SLC35F1: variants seen among roughly 807,000 people sequenced by gnomAD.
SLC35F1 encodes the protein solute carrier family 35 member F1.
A neutral mutation model predicts 48.7 loss-of-function variants in SLC35F1; 14 were observed. The observed-to-expected ratio is 0.29, with a 90% CI of 0.19 to 0.45. SLC35F1 has a LOEUF of 0.45. Ranked by LOEUF, SLC35F1 falls within the 20% of genes least tolerant of loss-of-function variation. The pLI, the probability that SLC35F1 is intolerant of heterozygous loss-of-function variation, is 1.00. For missense variants in SLC35F1, 404 were observed against 500.0 expected, an observed-to-expected ratio of 0.81 and a Z score of 1.83; for synonymous variants, 190 against 202.2, an observed-to-expected ratio of 0.94 and a Z score of 0.51.
chr6:118,109,210 T>A (rs931800875), intron 1 of SLC35F1, among the ~76,000 whole-genome samples: 2 of 152,186 alleles, frequency 1.3e-5, no homozygotes, highest in African/African-American at 4.8e-5. Flanking sequence ...GTTCACCTAC[T>A]CAGAGAGGAA....
intron 1 of SLC35F1, among the ~76,000 whole-genome samples, chr6:118,066,399 A>G (rs531272209): frequency 6.6e-6 from 1 of 152,288 alleles, no homozygotes; most frequent in Admixed American, 6.5e-5. Flanking sequence ...GCATGCTCCA[A>G]GCTATGGTCA....
chr6:117,923,944 A>G (rs1020323449), intron 1 of SLC35F1, among the ~76,000 whole-genome samples: 19 of 150,196 alleles, frequency 1.3e-4, no homozygotes, highest in Non-Finnish European at 2.4e-4. Flanking sequence ...TACTAGATTG[A>G]CACTTTATAT....
At chr6:117,967,328 T>C (rs954585666) in intron 1 of SLC35F1, among the ~76,000 whole-genome samples, 28 of 152,328 alleles carry the variant, frequency 1.8e-4, no homozygotes, top group African/African-American at 6.3e-4. Context: ...AAATTTTTAC[T>C]ATATTTCTAA....
At chr6:118,053,657 A>G (rs867207375) in intron 1 of SLC35F1, among the ~76,000 whole-genome samples, 2 of 152,142 alleles carry the variant, frequency 1.3e-5, no homozygotes, top group Admixed American at 1.3e-4. Context: ...TTGTTTTGAT[A>G]GTGTTCATAT....
intron 1 of SLC35F1, among the ~76,000 whole-genome samples, chr6:118,049,639 G>C (rs1772355978): frequency 6.6e-6 from 1 of 151,586 alleles, no homozygotes; most frequent in Non-Finnish European, 1.5e-5. Flanking sequence ...GGCCATCAGA[G>C]AAATGCAAAT....
chr6:118,124,042 T>C (rs1468468676), intron 1 of SLC35F1, among the ~76,000 whole-genome samples: 1 of 152,124 alleles, frequency 6.6e-6, no homozygotes, highest in Admixed American at 6.6e-5. Flanking sequence ...CCTTTCTCTT[T>C]TGAGAATTTG....
intron 1 of SLC35F1, among the ~76,000 whole-genome samples, chr6:118,073,326 A>T (rs1582651168): frequency 6.6e-6 from 1 of 152,316 alleles, no homozygotes; most frequent in African/African-American, 2.4e-5. Context: ...ACTGCTGTGA[A>T]CTGAGTGACC....
At chr6:117,967,052 T>C (rs549489031) in intron 1 of SLC35F1, among the ~76,000 whole-genome samples, 1 of 152,342 alleles carries the variant, frequency 6.6e-6, no homozygotes, top group Non-Finnish European at 1.5e-5. Context: ...GCCCACTCAA[T>C]ATTCCATTCA....
At chr6:118,234,263 G>A (rs542554684) in intron 2 of SLC35F1, among the ~76,000 whole-genome samples, 1 of 152,316 alleles carries the variant, frequency 6.6e-6, no homozygotes, top group South Asian at 2.1e-4. Flanking sequence ...CCCCTTGAAT[G>A]TGGGCTGGAC....
chr6:118,117,012 T>C (rs1773484390), intron 1 of SLC35F1, among the ~76,000 whole-genome samples: 1 of 152,196 alleles, frequency 6.6e-6, no homozygotes, highest in Admixed American at 6.5e-5. Context: ...TCTAATTTCA[T>C]ATAGTTGTAG....
At chr6:118,228,562 C>T (rs1012235158) in intron 2 of SLC35F1, among the ~76,000 whole-genome samples, 10 of 151,906 alleles carry the variant, frequency 6.6e-5, no homozygotes, top group African/African-American at 1.7e-4. Flanking sequence ...GATATGGTGG[C>T]GTGCATCTGT....
chr6:118,241,998 A>G (rs1006635747), intron 3 of SLC35F1, among the ~76,000 whole-genome samples: 1 of 152,168 alleles, frequency 6.6e-6, no homozygotes, highest in African/African-American at 2.4e-5. Flanking sequence ...TGTTGTGTCC[A>G]CCTTTAGGCT....
At position 118,246,507 on chromosome 6, in the gene SLC35F1, C is replaced by T. The variant is rs182615677; in HGVS notation, c.477+10871C>T. 3.9e-5 allele frequency among the ~76,000 whole-genome samples: 6 copies of T among 152,266 alleles called. No homozygotes were observed. The East Asian group carries it at 7.7e-4, about 20-fold the overall frequency. On this transcript the variant is annotated intron_variant, in intron 3 of 7. Coordinates refer to ENST00000360388, the MANE Select transcript of SLC35F1 (RefSeq NM_001029858.4). ...AGAGGAGGAGTGACTGGCTCTACCC[C>T]GTGACAGACAGGACTCCAGAGGTGA... is the stretch of plus-strand genomic sequence containing the variant.
intron 6 of SLC35F1, among the ~76,000 whole-genome samples, chr6:118,281,175 ACTCT>A (rs745677823): frequency 0.071 from 9,782 of 137,534 alleles, 469 homozygotes; most frequent in African/African-American, 0.14. Context: ...ATATATAGTA[ACTCT>A]CTCTCTCTCT....
At chr6:118,140,592 C>T (rs1773872682) in intron 1 of SLC35F1, among the ~76,000 whole-genome samples, 1 of 85,736 alleles carries the variant, frequency 1.2e-5, no homozygotes, top group Non-Finnish European at 2.5e-5. Flanking sequence ...AGAGTGTATT[C>T]CTTATATTTT....
chr6:117,923,654 C>T (rs1319212621), intron 1 of SLC35F1, among the ~76,000 whole-genome samples: 4 of 54,072 alleles, frequency 7.4e-5, no homozygotes, highest in Non-Finnish European at 1.2e-4. Context: ...TACATATGTA[C>T]ATATGTATAT....
intron 1 of SLC35F1, chr6:117,999,373 C>A: frequency 6.3e-7 from 1 of 1,586,766 alleles, no homozygotes; most frequent in Non-Finnish European, 8.5e-7. Flanking sequence ...AAACCAAGGC[C>A]CAGGCTGCAG....
At chr6:118,266,938 C>T in intron 3 of SLC35F1, 57 bp from the exon 4 acceptor site, 5 of 1,591,874 alleles carry the variant, frequency 3.1e-6, no homozygotes, top group South Asian at 1.1e-5. Flanking sequence ...TTCCCTACTA[C>T]ATGGAATGCT....
chr6:118,140,429 G>A (rs559963020), intron 1 of SLC35F1, among the ~76,000 whole-genome samples: 36 of 152,288 alleles, frequency 2.4e-4, no homozygotes, highest in Admixed American at 5.2e-4. Context: ...GGTGATAGTG[G>A]TGTAAACAAA....
Sources: allele counts gnomAD v4.1 joint callset (sites outside exome capture counted in the v4.1 genomes callset), GRCh38; gene constraint gnomAD v4.1.1; transcripts MANE v1.5; gene names NCBI Gene and HGNC (gene_info 2026-07-23, HGNC 2026-07-21).